The following COL12A1 variants were observed in gnomAD, a reference collection of about 807,000 sequenced individuals.
The protein encoded by COL12A1 is collagen type XII alpha 1 chain, also known as collagen alpha-1(XII) chain.
A neutral mutation model predicts 349.7 loss-of-function variants in COL12A1; 114 were observed. The observed-to-expected ratio is 0.33, with a 90% CI of 0.28 to 0.38. The LOEUF (loss-of-function observed/expected upper bound fraction) is 0.38. Among genes scored for constraint, COL12A1 ranks in the 10% least tolerant of loss-of-function variants. The pLI is 1.00. For synonymous variants in COL12A1, 1,369 were observed against 1,329.0 expected (o/e 1.03, Z -0.66); for missense variants, 3,284 against 3,756.9 (o/e 0.87, Z 3.29).
At chr6:75,142,321 T>C (rs991311387) in intron 26 of COL12A1, among the ~76,000 whole-genome samples, 160 bp from the exon 27 acceptor site, 3 of 152,202 alleles carry the variant, frequency 2.0e-5, no homozygotes, top group African/African-American at 7.2e-5. Flanking sequence ...GGACACAGTT[T>C]AAATATTTCC....
Position 75,085,161 on chromosome 6 carries a change from G to T in COL12A1, c.*1386C>A. 1 of 456,136 alleles carries T rather than the reference G, an allele frequency of 2.2e-6. No individual in the cohort carries two copies. The allele number at this position is 456,136 out of a possible 1,614,324, so 28.3% of individuals were successfully genotyped here. A position where few individuals can be genotyped will look rare whatever the true frequency, so the allele number is the denominator to read the frequency against. On this transcript the variant is annotated 3_prime_UTR_variant, in exon 66 of 66. Transcript: ENST00000322507. ...ATGAGAATTTCAACACCTCCCCCAA[G>T]CCTCGCGGCGCGGCGCGTGATCTCT...
Position 75,084,366 on chromosome 6 carries a change from T to C in COL12A1, c.*2181A>G, listed in dbSNP as rs1767379228. ...TTTTATTGAAAAATGCCTCTTTTGTTTCAGAAATAAATAATATAAGGCAGT... is the reference window on the plus strand; with the variant it reads ...TTTTATTGAAAAATGCCTCTTTTGTCTCAGAAATAAATAATATAAGGCAGT... On this transcript the variant is annotated 3_prime_UTR_variant, in exon 66 of 66. Coordinates refer to ENST00000322507, the MANE Select transcript of COL12A1 (RefSeq NM_004370.6). 1 of 152,654 alleles carries C rather than the reference T, an allele frequency of 6.6e-6. No individual in the cohort carries two copies. Among genetic ancestry groups the C allele is most frequent in the African/African-American group, 2.4e-5 (1 of 41,440 alleles). The allele number at this position is 152,654 out of a possible 1,614,324, so 9.5% of individuals were successfully genotyped here.
Position 75,183,514 on chromosome 6 carries a change from C to A in COL12A1, c.1427G>T (p.Arg476Met), listed in dbSNP as rs767743127. The change falls in exon 10 of 66, where the codon AGG (arginine) becomes ATG (methionine). Residue 476 changes from arginine (R) to methionine (M), a missense_variant. Arg to Met is a moderately conservative substitution (Grantham distance 91, BLOSUM62 -1). Transcript: ENST00000322507. ...GTATTGCACAAGACTAATCTGGACC[C>A]TATTTGGTGAAATTTCAAAACTTTT... ...LVKSFEISPN[R>M]VQISLVQYSR... 6.2e-7 allele frequency: 1 copy of A among 1,614,110 alleles called. No individual in the cohort carries two copies. Among genetic ancestry groups the A allele is most frequent in the Non-Finnish European group, 8.5e-7 (1 of 1,180,012 alleles).
At chr6:75,116,637 T>C (rs1769096745) in intron 47 of COL12A1, among the ~76,000 whole-genome samples, 1 of 152,188 alleles carries the variant, frequency 6.6e-6, no homozygotes, top group Admixed American at 6.5e-5. Context: ...TAAATTTTCA[T>C]AGTAAACCAA....
chr6:75,137,322 T>C (rs1766666481), intron 31 of COL12A1, 115 bp downstream of exon 31: 3 of 994,938 alleles, frequency 3.0e-6, no homozygotes, highest in African/African-American at 1.6e-5. Flanking sequence ...TCCAATGCGA[T>C]AAATCTTAAT....
intron 2 of COL12A1, 80 bp downstream of exon 2, chr6:75,202,640 C>A (rs1770589749): frequency 2.9e-6 from 4 of 1,360,930 alleles, no homozygotes; most frequent in Non-Finnish European, 4.1e-6. Flanking sequence ...ACAGAGCAAG[C>A]AATAGAAGCA....
chr6:75,134,776 G>A lies in COL12A1; in HGVS notation c.5474C>T (p.Ser1825Phe). 2 of 1,612,750 alleles carry A rather than the reference G, an allele frequency of 1.2e-6. No homozygotes were observed. The highest frequency in any genetic ancestry group is 1.7e-6 in the Non-Finnish European group (2 of 1,179,100). Residue 1825 changes from serine to phenylalanine, a missense_variant, in exon 32 of 66, where the codon TCT becomes TTT. Coordinates refer to ENST00000322507, the MANE Select transcript of COL12A1 (RefSeq NM_004370.6). ...PDTPYTITVSSLYPDGEGGRM... is the reference protein window; with the variant it reads ...PDTPYTITVSFLYPDGEGGRM... Reference sequence around the variant, plus strand: ...ACCTCCTTCACCATCAGGATACAGAGAGGATACGGTGATAGTGTAAGGAGT... The same window carrying A: ...ACCTCCTTCACCATCAGGATACAGAAAGGATACGGTGATAGTGTAAGGAGT...
chr6:75,157,532 C>A (rs913880787), intron 14 of COL12A1, among the ~76,000 whole-genome samples: 1 of 151,832 alleles, frequency 6.6e-6, no homozygotes, highest in African/African-American at 2.4e-5. Flanking sequence ...AGATAAGGAA[C>A]AAAGGGGAAT....
At chr6:75,205,268 A>G (rs1770721991) in intron 1 of COL12A1, among the ~76,000 whole-genome samples, 2 of 150,640 alleles carry the variant, frequency 1.3e-5, no homozygotes, top group Admixed American at 1.3e-4. Context: ...ACACTCCACT[A>G]GGAATCTGTT....
chr6:75,134,890 T>C, intron 31 of COL12A1, 35 bp from the exon 32 acceptor site: 2 of 1,593,732 alleles, frequency 1.3e-6, no homozygotes, highest in Non-Finnish European at 8.6e-7. Flanking sequence ...GTGTCAGCCT[T>C]GCTCTCTCCA....
chr6:75,102,746 C>T, intron 55 of COL12A1, 54 bp from the exon 56 acceptor site: 3 of 1,155,028 alleles, frequency 2.6e-6, no homozygotes, highest in Non-Finnish European at 3.5e-6. Context: ...CTTTTCAGTG[C>T]TGACATTTAG....
At chr6:75,138,025 A>C (rs1474694514) in intron 30 of COL12A1, among the ~76,000 whole-genome samples, 1 of 152,086 alleles carries the variant, frequency 6.6e-6, no homozygotes, top group East Asian at 1.9e-4. Context: ...AAACGAATTG[A>C]ATAGCACCTT....
chr6:75,138,372 C>G, intron 29 of COL12A1, 32 bp from the exon 30 acceptor site: 1 of 1,609,734 alleles, frequency 6.2e-7, no homozygotes, highest in Non-Finnish European at 8.5e-7. Context: ...GAACACATTA[C>G]TAATATAGCT....
intron 8 of COL12A1, 81 bp downstream of exon 8, chr6:75,188,281 T>C (rs1389301012): frequency 2.2e-6 from 3 of 1,387,342 alleles, no homozygotes; most frequent in Admixed American, 2.5e-5. Flanking sequence ...TTTAAATAAA[T>C]ATGTCTACTT....
chr6:75,197,547 G>C (rs1213633709), intron 2 of COL12A1, among the ~76,000 whole-genome samples: 1 of 151,964 alleles, frequency 6.6e-6, no homozygotes, highest in Non-Finnish European at 1.5e-5. Context: ...CCTGACCTCA[G>C]GTGATCCGCC....
chr6:75,198,353 C>T (rs112263203), intron 2 of COL12A1, among the ~76,000 whole-genome samples: 40 of 151,556 alleles, frequency 2.6e-4, no homozygotes, highest in East Asian at 9.7e-4. Flanking sequence ...TTAATATATA[C>T]GTATTTTTAA....
At chr6:75,103,704 A>C in intron 55 of COL12A1, 53 bp downstream of exon 55, 2 of 1,533,788 alleles carry the variant, frequency 1.3e-6, no homozygotes, top group East Asian at 2.3e-5. Flanking sequence ...AATTTGAACA[A>C]CCAGATTTCA....
rs1427347071 is a variant in COL12A1, at chr6:75,138,323, G to A, written c.5248C>T (p.Gln1750Ter). ...SERTLPILTTQAPKSGPRNLQ... is the reference protein window; with the variant it reads ...SERTLPILTT ...ATTCATCAAATTAAATTCTTACCTT[G>A]TGTTGTTAAGATAGGCACTAAAAGA... Residue 1750 changes from glutamine to a stop codon, truncating the protein, a stop_gained, in exon 30 of 66, where the codon CAA (glutamine) becomes TAA (stop). Coordinates refer to ENST00000322507, the MANE Select transcript of COL12A1 (RefSeq NM_004370.6). LOFTEE classifies it high-confidence loss of function. 1 of 1,608,576 alleles carries A rather than the reference G, an allele frequency of 6.2e-7. No individual in the cohort carries two copies. Among genetic ancestry groups the A allele is most frequent in the African/African-American group, 1.3e-5 (1 of 74,676 alleles).
At chr6:75,109,271 C>T (rs1768716332) in intron 51 of COL12A1, 104 bp from the exon 52 acceptor site, 4 of 737,624 alleles carry the variant, frequency 5.4e-6, no homozygotes, top group African/African-American at 1.9e-5. Flanking sequence ...AAGCTATTCT[C>T]ATCCTAAATC....
Sources: allele counts gnomAD v4.1 joint callset (sites outside exome capture counted in the v4.1 genomes callset), GRCh38; gene constraint gnomAD v4.1.1; transcripts MANE v1.5; gene names NCBI Gene and HGNC (gene_info 2026-07-23, HGNC 2026-07-21).